The following TNFAIP6 variants were observed in gnomAD, a reference collection of about 807,000 sequenced individuals.
TNFAIP6 encodes the protein TNF alpha induced protein 6.
A neutral mutation model predicts 33.7 loss-of-function variants in TNFAIP6; 36 were observed. That is an observed-to-expected ratio of 1.07 (90% CI 0.82 to 1.41). The LOEUF (loss-of-function observed/expected upper bound fraction) is 1.41, where lower values mean the gene tolerates loss of function less well. Among genes scored for constraint, TNFAIP6 ranks in the 40% most tolerant of loss-of-function variants. The pLI is 0.00. For missense variants in TNFAIP6, 273 were observed against 331.9 expected (o/e 0.82, Z 1.38); for synonymous variants, 113 against 112.8 (o/e 1.00, Z -0.01).
At chr2:151,368,872 A>G (rs1684762427) in intron 3 of TNFAIP6, among the ~76,000 whole-genome samples, 1 of 152,164 alleles carries the variant, frequency 6.6e-6, no homozygotes, top group Non-Finnish European at 1.5e-5. Context: ...GCTGTTTGTA[A>G]TATAAATGTG....
At chr2:151,375,168 T>A (rs1372282028) in intron 5 of TNFAIP6, among the ~76,000 whole-genome samples, 5 of 150,824 alleles carry the variant, frequency 3.3e-5, no homozygotes, top group African/African-American at 1.2e-4. Context: ...TACATTTTCC[T>A]TTTTTCTCTA....
chr2:151,368,159 G>GT (rs1684748549), intron 3 of TNFAIP6, among the ~76,000 whole-genome samples: 1 of 151,936 alleles, frequency 6.6e-6, no homozygotes, highest in African/African-American at 2.4e-5. Flanking sequence ...TTATTATACA[G>GT]TAAGAATAGC....
At chr2:151,375,484 G>A (rs1226806015) in intron 5 of TNFAIP6, among the ~76,000 whole-genome samples, 1 of 152,044 alleles carries the variant, frequency 6.6e-6, no homozygotes, top group Admixed American at 6.6e-5. Context: ...TGAGGTGGGC[G>A]GATCACCAGG....
At chr2:151,359,427 T>A (rs966732692) in intron 1 of TNFAIP6, among the ~76,000 whole-genome samples, 1 of 150,836 alleles carries the variant, frequency 6.6e-6, no homozygotes, top group Non-Finnish European at 1.5e-5. Flanking sequence ...CTCGCTCTGT[T>A]GCCCACGCTG....
At chr2:151,372,333 T>G (rs1317289823) in intron 4 of TNFAIP6, 1 of 152,222 alleles carries the variant, frequency 6.6e-6, no homozygotes, top group Non-Finnish European at 1.5e-5. Context: ...ACAGGCTAAT[T>G]TGTTATTTCT....
intron 4 of TNFAIP6, 52 bp from the exon 5 acceptor site, chr2:151,373,497 G>A (rs1684850090): frequency 9.1e-7 from 1 of 1,101,364 alleles, no homozygotes; most frequent in Non-Finnish European, 1.3e-6. Flanking sequence ...CACTTTACTA[G>A]CTGTATAATA....
intron 4 of TNFAIP6, among the ~76,000 whole-genome samples, chr2:151,371,121 A>C (rs374084707): frequency 1.3e-5 from 2 of 152,124 alleles, no homozygotes; most frequent in East Asian, 1.9e-4. Flanking sequence ...TCTTCTTCCT[A>C]CAAAGCATTG....
chr2:151,374,389 T>G (rs1684867859), intron 5 of TNFAIP6, among the ~76,000 whole-genome samples: 1 of 152,220 alleles, frequency 6.6e-6, no homozygotes, highest in African/African-American at 2.4e-5. Context: ...ATGTATTCAG[T>G]ATTTTATTTT....
chr2:151,360,503 A>T (rs1684609414), intron 1 of TNFAIP6, among the ~76,000 whole-genome samples: 1 of 152,242 alleles, frequency 6.6e-6, no homozygotes, highest in African/African-American at 2.4e-5. Flanking sequence ...ACAAATTTTC[A>T]GTTTTAATAA....
intron 1 of TNFAIP6, among the ~76,000 whole-genome samples, chr2:151,363,150 T>A (rs1420184612): frequency 1.3e-5 from 2 of 151,424 alleles, no homozygotes; most frequent in African/African-American, 4.9e-5. Flanking sequence ...ACCTCGTCTC[T>A]ACTAAAAATA....
intron 3 of TNFAIP6, among the ~76,000 whole-genome samples, chr2:151,367,856 T>C (rs1236366958): frequency 7.0e-6 from 1 of 143,098 alleles, no homozygotes; most frequent in South Asian, 2.2e-4. Flanking sequence ...ATCACTGGAA[T>C]AAAAAAAAAA....
At chr2:151,360,663 T>A (rs1301405934) in intron 1 of TNFAIP6, among the ~76,000 whole-genome samples, 1 of 152,238 alleles carries the variant, frequency 6.6e-6, no homozygotes, top group Admixed American at 6.5e-5. Context: ...GTCAGGTACA[T>A]ACTCCAAGAG....
Position 151,379,770 on chromosome 2 carries a change from A to G in TNFAIP6, c.*237A>G. The G allele has an allele frequency of 3.5e-6, 1 of 283,968 alleles. No individual in the cohort carries two copies. Among genetic ancestry groups the G allele is most frequent in the Non-Finnish European group, 6.4e-6 (1 of 156,652 alleles). The allele number at this position is 283,968 out of a possible 1,614,324, so 17.6% of individuals were successfully genotyped here. A position where few individuals can be genotyped will look rare whatever the true frequency, so the allele number is the denominator to read the frequency against. Reference sequence around the variant, plus strand: ...ATTTTCATATTTTTTTCTTTCAGTCATTTTTCTATTTGTGGTATATGTATA... The same window carrying G: ...ATTTTCATATTTTTTTCTTTCAGTCGTTTTTCTATTTGTGGTATATGTATA... On this transcript the variant is annotated 3_prime_UTR_variant, in exon 6 of 6. Transcript: ENST00000243347.
At chr2:151,378,581 CG>C (rs1246829984) in intron 5 of TNFAIP6, among the ~76,000 whole-genome samples, 1 of 151,672 alleles carries the variant, frequency 6.6e-6, no homozygotes, top group African/African-American at 2.4e-5. Context: ...CTCCGCCTCC[CG>C]GGTTCAAGGA....
chr2:151,371,326 C>CA (rs1398105780), intron 4 of TNFAIP6, among the ~76,000 whole-genome samples: 1 of 151,972 alleles, frequency 6.6e-6, no homozygotes, highest in Non-Finnish European at 1.5e-5. Flanking sequence ...TTTATATATT[C>CA]AGGTCCCCAC....
intron 3 of TNFAIP6, chr2:151,368,192 A>C: frequency 6.5e-6 from 1 of 153,652 alleles, no homozygotes. Flanking sequence ...TAACATCCTT[A>C]AATTATTTTC....
rs1684592370 is a variant in TNFAIP6 at position 151,359,640 on chromosome 2, G to A, written c.94+1880G>A. On this transcript the variant is annotated intron_variant, in intron 1 of 5. Coordinates refer to ENST00000243347, the MANE Select transcript of TNFAIP6 (RefSeq NM_007115.4). ...CCTGACCTCGTGATCCGCCCACCTT[G>A]GCCTCCCAAAGTGCTGGGATTATAG... is the stretch of plus-strand genomic sequence containing the variant. Among the ~76,000 whole-genome samples, 3 of 152,126 alleles carry A rather than the reference G, an allele frequency of 2.0e-5. No individual in the cohort carries two copies. In the South Asian group the frequency reaches 6.2e-4, roughly 32 times the overall value.
At chr2:151,357,935 G>C (rs1684563546) in intron 1 of TNFAIP6, among the ~76,000 whole-genome samples, 175 bp downstream of exon 1, 1 of 151,132 alleles carries the variant, frequency 6.6e-6, no homozygotes, top group Non-Finnish European at 1.5e-5. Context: ...AAGCGTTCTT[G>C]TCCTCTAAAA....
chr2:151,364,168 C>G (rs1684674643), intron 2 of TNFAIP6, 88 bp downstream of exon 2: 1 of 1,461,366 alleles, frequency 6.8e-7, no homozygotes, highest in Non-Finnish European at 9.2e-7. Flanking sequence ...ACTTCTTTCT[C>G]CAACCCCCTT....
Sources: allele counts gnomAD v4.1 joint callset (sites outside exome capture counted in the v4.1 genomes callset), GRCh38; gene constraint gnomAD v4.1.1; transcripts MANE v1.5; gene names NCBI Gene and HGNC (gene_info 2026-07-23, HGNC 2026-07-21).